The following IMMP2L variants were observed in gnomAD, a reference collection of about 807,000 sequenced individuals.
IMMP2L encodes inner mitochondrial membrane peptidase subunit 2.
A neutral mutation model predicts 19.3 loss-of-function variants in IMMP2L; 18 were observed. The ratio of observed to expected loss-of-function variants is 0.93; its 90% CI spans 0.64 to 1.38. The LOEUF (loss-of-function observed/expected upper bound fraction) is 1.38. Among genes scored for constraint, IMMP2L ranks in the 40% most tolerant of loss-of-function variants. The probability of loss-of-function intolerance (pLI) is 0.00; values close to 1 mark genes in which losing one functional copy is unlikely to be tolerated. For synonymous variants in IMMP2L, 76 were observed against 73.0 expected (o/e 1.04, Z -0.21); for missense variants, 233 against 218.2 (o/e 1.07, Z -0.43).
intron 3 of IMMP2L, among the ~76,000 whole-genome samples, chr7:110,968,212 T>G (rs1819761021): frequency 6.6e-6 from 1 of 151,740 alleles, no homozygotes; most frequent in Admixed American, 6.6e-5. Context: ...CCTAAACCAG[T>G]GGCCAGACCA....
chr7:111,540,651 C>T (rs1321549569), intron 1 of IMMP2L, among the ~76,000 whole-genome samples: 1 of 152,142 alleles, frequency 6.6e-6, no homozygotes, highest in African/African-American at 2.4e-5. Flanking sequence ...TTATAGGTAA[C>T]TCCCCAACTA....
intron 3 of IMMP2L, among the ~76,000 whole-genome samples, chr7:111,444,933 T>G (rs1054577731): frequency 6.6e-6 from 1 of 152,158 alleles, no homozygotes; most frequent in Non-Finnish European, 1.5e-5. Flanking sequence ...CATGAAATAC[T>G]TTAGACTTAC....
At chr7:110,693,153 A>G (rs1203113123) in intron 5 of IMMP2L, among the ~76,000 whole-genome samples, 1 of 152,200 alleles carries the variant, frequency 6.6e-6, no homozygotes, top group African/African-American at 2.4e-5. Context: ...AAGAATGAAA[A>G]TCAAGTACAT....
intron 3 of IMMP2L, among the ~76,000 whole-genome samples, chr7:111,109,267 T>A (rs998790938): frequency 6.6e-5 from 10 of 152,282 alleles, no homozygotes; most frequent in Non-Finnish European, 1.3e-4. Context: ...TAAGTTTTTT[T>A]TTTCAAGTCA....
chr7:111,121,760 T>C (rs372297994), intron 3 of IMMP2L, among the ~76,000 whole-genome samples: 1 of 152,150 alleles, frequency 6.6e-6, no homozygotes, highest in East Asian at 1.9e-4. Flanking sequence ...AACATGCTGA[T>C]ATAAAGACAC....
intron 3 of IMMP2L, among the ~76,000 whole-genome samples, chr7:111,197,291 G>A (rs1809609235): frequency 6.6e-6 from 1 of 151,962 alleles, no homozygotes; most frequent in Admixed American, 6.6e-5. Context: ...GTGAAACCCC[G>A]TCTCTACTAA....
chr7:111,189,759 T>C (rs769708412), intron 3 of IMMP2L, among the ~76,000 whole-genome samples: 8 of 152,110 alleles, frequency 5.3e-5, no homozygotes, highest in South Asian at 2.1e-4. Context: ...CTTAAGGTGC[T>C]TTCTCTACCT....
At chr7:110,953,816 C>T (rs570355908) in intron 4 of IMMP2L, among the ~76,000 whole-genome samples, 4 of 152,232 alleles carry the variant, frequency 2.6e-5, no homozygotes, top group East Asian at 1.9e-4. Flanking sequence ...TCTCCACATC[C>T]TCTCCAGCAT....
At chr7:111,277,282 A>G (rs1447277776) in intron 3 of IMMP2L, among the ~76,000 whole-genome samples, 1 of 152,100 alleles carries the variant, frequency 6.6e-6, no homozygotes. Context: ...TTAAAAAGTG[A>G]GCAAAGGAAT....
chr7:110,667,648 C>T lies in IMMP2L; in HGVS notation c.409-3927G>A, dbSNP rs188817034. 1.4e-3 allele frequency among the ~76,000 whole-genome samples: 212 copies of T among 152,238 alleles called. 3 individuals are homozygous for T. Among genetic ancestry groups the T allele is most frequent in the Non-Finnish European group, 9.6e-4 (65 of 68,006 alleles). ...GAGCCAAGGAATGCAGGCAGCCTCTCGAAGCCAGAGAAAGGAAGGAGATGA... is the reference window on the plus strand; with the variant it reads ...GAGCCAAGGAATGCAGGCAGCCTCTTGAAGCCAGAGAAAGGAAGGAGATGA... On this transcript the variant is annotated intron_variant, in intron 5 of 5. Transcript: ENST00000405709.
intron 3 of IMMP2L, among the ~76,000 whole-genome samples, chr7:111,294,237 TG>T (rs1821398968): frequency 6.6e-6 from 1 of 151,812 alleles, no homozygotes; most frequent in African/African-American, 2.4e-5. Context: ...AAAAGTATAT[TG>T]ATTTGAGAGA....
chr7:110,715,950 G>T (rs1795208545), intron 5 of IMMP2L, among the ~76,000 whole-genome samples: 1 of 151,980 alleles, frequency 6.6e-6, no homozygotes, highest in Non-Finnish European at 1.5e-5. Context: ...TCCAATGTTG[G>T]GTGCTTATAT....
chr7:110,972,080 C>T (rs988625851), intron 3 of IMMP2L, among the ~76,000 whole-genome samples: 1 of 151,934 alleles, frequency 6.6e-6, no homozygotes, highest in Non-Finnish European at 1.5e-5. Context: ...TCTCAGGCAC[C>T]AGTAACTACA....
intron 2 of IMMP2L, among the ~76,000 whole-genome samples, chr7:111,520,222 C>G (rs1460221883): frequency 6.6e-6 from 1 of 152,096 alleles, no homozygotes; most frequent in Non-Finnish European, 1.5e-5. Flanking sequence ...AAGTAAGTGA[C>G]CAGTTTGCTT....
intron 3 of IMMP2L, among the ~76,000 whole-genome samples, chr7:111,160,921 C>A (rs1291996876): frequency 1.3e-5 from 2 of 150,892 alleles, no homozygotes; most frequent in African/African-American, 4.8e-5. Context: ...GTAACATAAT[C>A]AGAGATTTAA....
intron 3 of IMMP2L, among the ~76,000 whole-genome samples, chr7:111,236,314 T>C (rs1050305039): frequency 6.6e-6 from 1 of 151,910 alleles, no homozygotes; most frequent in Non-Finnish European, 1.5e-5. Context: ...GAGAAAACAG[T>C]TAAGTTACTT....
At chr7:111,086,850 C>T (rs1796386175) in intron 3 of IMMP2L, among the ~76,000 whole-genome samples, 1 of 152,226 alleles carries the variant, frequency 6.6e-6, no homozygotes, top group South Asian at 2.1e-4. Context: ...CAAACCTGAA[C>T]AACCACTACT....
At chr7:110,733,011 C>T (rs1322567908) in intron 5 of IMMP2L, among the ~76,000 whole-genome samples, 1 of 152,124 alleles carries the variant, frequency 6.6e-6, no homozygotes, top group Non-Finnish European at 1.5e-5. Context: ...TGATCTCAAA[C>T]TCCTGGCCTC....
chr7:111,249,723 A>G (rs577259908), intron 3 of IMMP2L, among the ~76,000 whole-genome samples: 11 of 152,320 alleles, frequency 7.2e-5, no homozygotes, highest in Admixed American at 7.2e-4. Context: ...CCTTCATGTT[A>G]AAAACTCTCA....
Sources: allele counts gnomAD v4.1 joint callset (sites outside exome capture counted in the v4.1 genomes callset), GRCh38; gene constraint gnomAD v4.1.1; transcripts MANE v1.5; gene names NCBI Gene and HGNC (gene_info 2026-07-23, HGNC 2026-07-21).